Variants in IRAG2 observed in about 807,000 individuals in gnomAD.
IRAG2 encodes the protein inositol 1,4,5-triphosphate receptor associated 2.
In IRAG2, 45 loss-of-function variants were observed where a neutral mutation model predicts 69.9. The observed-to-expected ratio is 0.64, with a 90% CI of 0.51 to 0.83. The LOEUF (loss-of-function observed/expected upper bound fraction) is 0.83, where lower values mean the gene tolerates loss of function less well. Among genes scored for constraint, IRAG2 ranks in the 40% least tolerant of loss-of-function variants. The pLI is 0.00. For synonymous variants in IRAG2, 193 were observed against 202.4 expected, an observed-to-expected ratio of 0.95 and a Z score of 0.40; for missense variants, 520 against 587.0, an observed-to-expected ratio of 0.89 and a Z score of 1.18.
intron 2 of IRAG2, among the ~76,000 whole-genome samples, chr12:25,007,761 A>T (rs1487380597): frequency 6.6e-6 from 1 of 152,144 alleles, no homozygotes; most frequent in Non-Finnish European, 1.5e-5. Context: ...ACCTCAGGTG[A>T]TCCACTCACC....
chr12:25,030,172 G>T, intron 9 of IRAG2: 1 of 619,154 alleles, frequency 1.6e-6, no homozygotes, highest in East Asian at 3.5e-5. Flanking sequence ...AAAAGTACAT[G>T]CATGTTAAAG....
rs114406516 is a variant in IRAG2 at position 25,045,019 on chromosome 12, G to C, written c.2144+6882G>C. 7.7e-3 allele frequency among the ~76,000 whole-genome samples: 1,165 copies of C among 152,068 alleles called. 15 individuals are homozygous for C. The highest frequency in any genetic ancestry group is 0.027 in the African/African-American group (1,106 of 41,510). ...ACCACACATTAGGTCACAAAACAAA[G>C]AGTAACAAATTTAAGATTATTGAAA... On this transcript the variant is annotated intron_variant, in intron 16 of 38. Coordinates refer to the IRAG2 transcript ENST00000636465.
intron 16 of IRAG2, among the ~76,000 whole-genome samples, chr12:25,043,786 C>T (rs889042621): frequency 1.3e-5 from 2 of 152,094 alleles, no homozygotes; most frequent in African/African-American, 4.8e-5. Flanking sequence ...GGAGAGTTGG[C>T]TATTTTTTCT....
At chr12:25,004,988 T>A (rs1447194102) in intron 1 of IRAG2, 4 of 938,828 alleles carry the variant, frequency 4.3e-6, no homozygotes, top group Non-Finnish European at 2.8e-6. Context: ...ATACCTGAAC[T>A]AAAAAAAAAT....
chr12:25,065,100 A>G (rs115547154), intron 4 of IRAG2, among the ~76,000 whole-genome samples: 1,797 of 151,904 alleles, frequency 0.012, 16 homozygotes, highest in African/African-American at 0.031. Context: ...AAAAAAAAAA[A>G]AGAGAGAGAG....
chr12:25,081,468 A>C (rs1211770101), intron 9 of IRAG2, among the ~76,000 whole-genome samples: 1 of 152,220 alleles, frequency 6.6e-6, no homozygotes, highest in African/African-American at 2.4e-5. Context: ...CGTCTCAAAT[A>C]TATACAATTG....
the IRAG2 span, among the ~76,000 whole-genome samples, chr12:24,999,074 T>C: frequency 1.5e-4 from 23 of 152,332 alleles, no homozygotes; most frequent in South Asian, 6.2e-4. Context: ...TTGAATAATA[T>C]AGATGTTGAT....
At chr12:25,004,696 A>G (rs1944417714) in exon 1 of IRAG2, 2 of 1,232,160 alleles carry the variant, frequency 1.6e-6, no homozygotes, top group South Asian at 8.2e-5. Context: ...AAGTTCTGAA[A>G]ACGTCTCAAA....
intron 6 of IRAG2, among the ~76,000 whole-genome samples, chr12:25,018,493 C>G (rs1285830984): frequency 6.6e-6 from 1 of 152,076 alleles, no homozygotes; most frequent in African/African-American, 2.4e-5. Context: ...GGAGGGGGAG[C>G]CACTGTGCCC....
intron 16 of IRAG2, chr12:25,101,985 A>G (rs972481233): frequency 1.2e-5 from 8 of 680,698 alleles, no homozygotes; most frequent in Non-Finnish European, 1.9e-5. Context: ...CATTATGGAC[A>G]TCACAGTGAC....
chr12:25,046,295 A>G (rs1407372861), intron 16 of IRAG2, among the ~76,000 whole-genome samples: 1 of 152,150 alleles, frequency 6.6e-6, no homozygotes, highest in Non-Finnish European at 1.5e-5. Context: ...CTCTAAGATC[A>G]GCAACAAAGC....
At chr12:25,012,649 G>A (rs955239970) in intron 3 of IRAG2, among the ~76,000 whole-genome samples, 1 of 151,802 alleles carries the variant, frequency 6.6e-6, no homozygotes, top group Non-Finnish European at 1.5e-5. Flanking sequence ...CCAACGTGGT[G>A]AAACCCTGTC....
chr12:25,038,870 C>T (rs1315029339), intron 16 of IRAG2, among the ~76,000 whole-genome samples: 2 of 152,156 alleles, frequency 1.3e-5, no homozygotes, highest in African/African-American at 4.8e-5. Flanking sequence ...TTGGCTCCTC[C>T]CCACTGGGTT....
At chr12:25,072,207 A>C (rs997781175) in intron 6 of IRAG2, among the ~76,000 whole-genome samples, 1 of 152,088 alleles carries the variant, frequency 6.6e-6, no homozygotes, top group African/African-American at 2.4e-5. Flanking sequence ...TCCATCTCAA[A>C]AGAAAAAAAA....
intron 1 of IRAG2, among the ~76,000 whole-genome samples, chr12:25,057,335 T>G (rs1332063225): frequency 7.2e-6 from 1 of 139,460 alleles, no homozygotes; most frequent in Non-Finnish European, 1.5e-5. Flanking sequence ...CATGGCTCAC[T>G]GTAGCCTCAA....
intron 14 of IRAG2, chr12:25,090,899 TTATGA>T (rs1165582215): frequency 1.0e-4 from 46 of 450,224 alleles, no homozygotes; most frequent in Admixed American, 7.0e-4. Flanking sequence ...CTATTTCCAT[TTATGA>T]TTAACTGAGG....
At chr12:25,020,287 T>C (rs1253931713) in intron 6 of IRAG2, among the ~76,000 whole-genome samples, 1 of 152,256 alleles carries the variant, frequency 6.6e-6, no homozygotes, top group African/African-American at 2.4e-5. Context: ...GATAAACTTC[T>C]TTATAGAATA....
At chr12:25,062,057 CAT>C (rs1945667395) in intron 2 of IRAG2, among the ~76,000 whole-genome samples, 2 of 151,996 alleles carry the variant, frequency 1.3e-5, no homozygotes, top group Admixed American at 6.6e-5. Context: ...TTTTCTTTCT[CAT>C]ATTTGAATTA....
At chr12:25,001,628 G>C (rs1295102685), upstream of IRAG2, among the ~76,000 whole-genome samples, 1 of 152,122 alleles carries the variant, frequency 6.6e-6, no homozygotes, top group African/African-American at 2.4e-5. Context: ...GACAGGAGGG[G>C]ACAGGATTTG....
Sources: allele counts gnomAD v4.1 joint callset (sites outside exome capture counted in the v4.1 genomes callset), GRCh38; gene constraint gnomAD v4.1.1; transcripts MANE v1.5; gene names NCBI Gene and HGNC (gene_info 2026-07-23, HGNC 2026-07-21).